ENTPD6: variants seen among roughly 807,000 people sequenced by gnomAD.
ENTPD6 encodes the protein ectonucleoside triphosphate diphosphohydrolase 6.
ENTPD6 carries 46 observed loss-of-function variants against 61.5 expected under a neutral mutation model. The ratio of observed to expected loss-of-function variants is 0.75; its 90% CI spans 0.59 to 0.96. ENTPD6 has a LOEUF of 0.96. ENTPD6 is among the 40% of genes least tolerant of loss of function. ENTPD6 has a pLI of 0.00. For missense variants in ENTPD6, 612 were observed against 629.0 expected, an observed-to-expected ratio of 0.97 and a Z score of 0.29; for synonymous variants, 252 against 255.5, an observed-to-expected ratio of 0.99 and a Z score of 0.13.
chr20:25,199,646 ACCCACTGC>A (rs2090867967), intron 1 of ENTPD6, among the ~76,000 whole-genome samples: 1 of 151,846 alleles, frequency 6.6e-6, no homozygotes, highest in Non-Finnish European at 1.5e-5. Flanking sequence ...AGTCCTCCTC[ACCCACTGC>A]CCTCAGCACC....
At chr20:25,213,504 G>A (rs938629015) in intron 5 of ENTPD6, 98 bp downstream of exon 5, 3 of 1,293,304 alleles carry the variant, frequency 2.3e-6, no homozygotes, top group Non-Finnish European at 2.1e-6. Flanking sequence ...CATCAGGCAG[G>A]ACACAGATGC....
intron 1 of ENTPD6, chr20:25,197,332 C>A: frequency 1.2e-6 from 1 of 814,362 alleles, no homozygotes; most frequent in Non-Finnish European, 1.5e-6. Context: ...CCTGCCTCCA[C>A]CTGCTGGAGG....
chr20:25,207,110 G>C lies in ENTPD6; in HGVS notation c.89G>C (p.Arg30Thr), dbSNP rs1295281983. ...CACGGTCCTTGGCAAACAAGGATGA[G>C]AAAAATATCCAACCACGGGAGCCTG... ...PQHGPWQTRMRKISNHGSLRV... is the reference protein window; with the variant it reads ...PQHGPWQTRMTKISNHGSLRV... Residue 30 changes from arginine (R) to threonine (T), a missense_variant, in exon 3 of 15, where the codon AGA (arginine) becomes ACA (threonine). Coordinates refer to ENST00000376652, the MANE Select transcript of ENTPD6 (RefSeq NM_001247.5). 6.2e-7 allele frequency: 1 copy of C among 1,613,258 alleles called. No individual in the cohort carries two copies. The highest frequency in any genetic ancestry group is 8.5e-7 in the Non-Finnish European group (1 of 1,179,492).
chr20:25,198,453 T>A (rs751992982), intron 1 of ENTPD6, among the ~76,000 whole-genome samples: 12 of 151,572 alleles, frequency 7.9e-5, no homozygotes, highest in Non-Finnish European at 1.2e-4. Flanking sequence ...CCAGCCTAGG[T>A]GATAGGTGAG....
At position 25,218,535 on chromosome 20, in the gene ENTPD6, G is replaced by T; in HGVS notation, c.879-15G>T. The T allele has an allele frequency of 6.3e-7, 1 of 1,599,048 alleles. No individual in the cohort carries two copies. The highest frequency in any genetic ancestry group is 8.5e-7 in the Non-Finnish European group (1 of 1,175,126). Reference sequence around the variant, plus strand: ...TGCCATGGCAGCTGCCCTCACTGAGGTGTCATTCCCACAGCTACCTCGGGC... The same window carrying T: ...TGCCATGGCAGCTGCCCTCACTGAGTTGTCATTCCCACAGCTACCTCGGGC... On this transcript the variant is annotated splice_polypyrimidine_tract_variant and intron_variant, in intron 9 of 14. Coordinates refer to ENST00000376652, the MANE Select transcript of ENTPD6 (RefSeq NM_001247.5).
At chr20:25,214,515 GGCTTA>G (rs1466578935) in intron 5 of ENTPD6, among the ~76,000 whole-genome samples, 1 of 152,222 alleles carries the variant, frequency 6.6e-6, no homozygotes, top group Non-Finnish European at 1.5e-5. Flanking sequence ...AGCCCCAGCG[GGCTTA>G]GGACAGGGTC....
At chr20:25,221,720 C>A (rs971440599) in intron 11 of ENTPD6, 3 of 340,124 alleles carry the variant, frequency 8.8e-6, no homozygotes, top group Non-Finnish European at 1.1e-5. Context: ...CCATCCTGCT[C>A]GAGGCTATGG....
At position 25,214,962 on chromosome 20, in the gene ENTPD6, T is replaced by TCTGCACAGCCCCA; in HGVS notation, c.673+23_673+24insCACAGCCCCACTG. On this transcript the variant is annotated intron_variant, in intron 6 of 14. Transcript: ENST00000376652. The stretch of plus-strand genomic sequence containing the variant: ...ATGAAGGTAAATGGCTGGAAGCACC[T>TCTGCACAGCCCCA]CTGTACAGTGGGGCTGTGCAGTGAG... The TCTGCACAGCCCCA allele has an allele frequency of 6.5e-7, 1 of 1,547,954 alleles. No individual in the cohort carries two copies. Among genetic ancestry groups the TCTGCACAGCCCCA allele is most frequent in the Non-Finnish European group, 8.9e-7 (1 of 1,119,828 alleles).
intron 12 of ENTPD6, 57 bp downstream of exon 12, chr20:25,223,035 G>GGGGGT: frequency 2.7e-6 from 3 of 1,109,616 alleles, no homozygotes; most frequent in African/African-American, 1.6e-5. Context: ...GGCGGGGGTG[G>GGGGGT]AGGGCGTGTG....
rs1380682834 is a variant in ENTPD6 at position 25,221,282 on chromosome 20, G to A, written c.994G>A (p.Gly332Arg). The A allele has an allele frequency of 6.2e-7, 1 of 1,614,140 alleles. No homozygotes were observed. The highest frequency in any genetic ancestry group is 8.5e-7 in the Non-Finnish European group (1 of 1,179,990). ...CCCTTGCTTGTCTCCCAGTTTCAAA[G>A]GAGAGTGGGAACACGCAGAAGTCAC... ...VSPCLSPSFKGEWEHAEVTYR... is the reference protein window; with the variant it reads ...VSPCLSPSFKREWEHAEVTYR... The change falls in exon 11 of 15, where the codon GGA (glycine) becomes AGA (arginine). Residue 332 changes from glycine to arginine, a missense_variant. Gly to Arg is a moderately radical substitution (Grantham distance 125, BLOSUM62 -2). Coordinates refer to ENST00000376652, the MANE Select transcript of ENTPD6 (RefSeq NM_001247.5).
At chr20:25,211,049 T>TTG (rs2091929638) in intron 4 of ENTPD6, among the ~76,000 whole-genome samples, 1 of 152,276 alleles carries the variant, frequency 6.6e-6, no homozygotes, top group African/African-American at 2.4e-5. Context: ...GCTACTTCTA[T>TTG]CTAAAGTCCT....
chr20:25,226,713 G>GGCTT lies in ENTPD6; in HGVS notation c.*1117_*1120dup, dbSNP rs1406464097. ...CCACTCCCAATAAAAGGTTGACAGG[G>GGCTT]GCTTCTCCTTCTCTGGGATTCCTCT... On this transcript the variant is annotated 3_prime_UTR_variant, in exon 15 of 15. Transcript: ENST00000376652. 1.3e-5 allele frequency: 2 copies of GGCTT among 152,402 alleles called. No homozygotes were observed. The highest frequency in any genetic ancestry group is 4.8e-5 in the African/African-American group (2 of 41,568). The allele number at this position is 152,402 out of a possible 1,614,324, so 9.4% of individuals were successfully genotyped here. A position where few individuals can be genotyped will look rare whatever the true frequency, so the allele number is the denominator to read the frequency against.
intron 1 of ENTPD6, among the ~76,000 whole-genome samples, chr20:25,196,934 T>G (rs938291645): frequency 6.6e-6 from 1 of 152,200 alleles, no homozygotes; most frequent in African/African-American, 2.4e-5. Flanking sequence ...CAGCCCTTTG[T>G]GTCAGGAGAT....
chr20:25,216,126 T>A (rs2092302612), intron 7 of ENTPD6, among the ~76,000 whole-genome samples: 1 of 152,266 alleles, frequency 6.6e-6, no homozygotes. Flanking sequence ...ACATCTGTTT[T>A]TAGAAACAAG....
intron 4 of ENTPD6, among the ~76,000 whole-genome samples, chr20:25,211,739 C>A (rs1050799646): frequency 2.0e-5 from 3 of 152,200 alleles, no homozygotes; most frequent in Admixed American, 6.5e-5. Flanking sequence ...TCTCTCTTGA[C>A]AGTAGAAAAA....
rs2092126770 is a variant in ENTPD6 at position 25,213,632 on chromosome 20, A to G, written c.597+226A>G. Among the ~76,000 whole-genome samples the G allele has an allele frequency of 1.3e-5, 2 of 152,134 alleles. 1 individual carries two copies. Among genetic ancestry groups the G allele is most frequent in the South Asian group, 4.1e-4 (2 of 4,824 alleles). On this transcript the variant is annotated intron_variant, in intron 5 of 14. Coordinates refer to ENST00000376652, the MANE Select transcript of ENTPD6 (RefSeq NM_001247.5). Reference sequence around the variant, plus strand: ...TTCTGGAGTGAATCTGTGTTTTATAATAAGGAAAGCAACTTGATTTTAGAA... The same window carrying G: ...TTCTGGAGTGAATCTGTGTTTTATAGTAAGGAAAGCAACTTGATTTTAGAA...
At chr20:25,218,233 C>T (rs982634725) in intron 9 of ENTPD6, among the ~76,000 whole-genome samples, 1 of 152,222 alleles carries the variant, frequency 6.6e-6, no homozygotes, top group Non-Finnish European at 1.5e-5. Context: ...TCCGGGCCAC[C>T]TATTGCCACG....
At chr20:25,212,862 C>T (rs1185442920) in intron 4 of ENTPD6, among the ~76,000 whole-genome samples, 6 of 152,256 alleles carry the variant, frequency 3.9e-5, no homozygotes, top group African/African-American at 7.2e-5. Flanking sequence ...CCCACCACCA[C>T]GCCCGGCTAA....
At chr20:25,210,452 C>A (rs114901300) in intron 4 of ENTPD6, among the ~76,000 whole-genome samples, 4,396 of 135,600 alleles carry the variant, frequency 0.032, 197 homozygotes, top group African/African-American at 0.1. Context: ...TGAAGACCAG[C>A]CTGGGCAACA....
Sources: allele counts gnomAD v4.1 joint callset (sites outside exome capture counted in the v4.1 genomes callset), GRCh38; gene constraint gnomAD v4.1.1; transcripts MANE v1.5; gene names NCBI Gene and HGNC (gene_info 2026-07-23, HGNC 2026-07-21).